The following CADM2 variants were observed in gnomAD, a reference collection of about 807,000 sequenced individuals.
The protein encoded by CADM2 is cell adhesion molecule 2, also known as immunoglobulin superfamily member 4D.
In CADM2, 12 loss-of-function variants were observed where a neutral mutation model predicts 49.8. The observed-to-expected ratio is 0.24, with a 90% CI of 0.15 to 0.39. The LOEUF is 0.39. Among genes scored for constraint, CADM2 ranks in the 10% least tolerant of loss-of-function variants. The pLI is 1.00. For missense variants in CADM2, 378 were observed against 492.3 expected, an observed-to-expected ratio of 0.77 and a Z score of 2.20; for synonymous variants, 214 against 175.4, an observed-to-expected ratio of 1.22 and a Z score of -1.74.
intron 2 of CADM2, among the ~76,000 whole-genome samples, chr3:85,765,469 A>C (rs929127585): frequency 5.3e-5 from 8 of 152,028 alleles, no homozygotes; most frequent in Admixed American, 2.0e-4. Context: ...TCCCAAGGTC[A>C]ATCCTCAACT....
intron 5 of CADM2, among the ~76,000 whole-genome samples, chr3:85,908,254 C>CTTTTTTTTTTTTTT (rs898710165): frequency 6.1e-5 from 4 of 65,762 alleles, no homozygotes; most frequent in Non-Finnish European, 9.4e-5. Context: ...TTTTTTTCTT[C>CTTTTTTTTTTTTTT]TTTTTTTTTT....
chr3:85,282,429 ATTTTTTTT>A (rs1200462213), intron 1 of CADM2, among the ~76,000 whole-genome samples: 1 of 124,064 alleles, frequency 8.1e-6, no homozygotes, highest in African/African-American at 3.0e-5. Context: ...TCTTGGCCAA[ATTTTTTTT>A]TTTTTTTTTT....
chr3:86,028,357 T>A (rs1734163832), intron 8 of CADM2, among the ~76,000 whole-genome samples: 1 of 152,002 alleles, frequency 6.6e-6, no homozygotes, highest in Non-Finnish European at 1.5e-5. Flanking sequence ...CAAAAATGGG[T>A]TAAGGGGCTA....
At chr3:85,917,673 ACTTTAAAGTAG>A (rs1718541400) in intron 6 of CADM2, among the ~76,000 whole-genome samples, 1 of 152,158 alleles carries the variant, frequency 6.6e-6, no homozygotes, top group African/African-American at 2.4e-5. Flanking sequence ...TTCCATATGA[ACTTTAAAGTAG>A]CTTTTTCCAA....
chr3:85,344,481 A>G (rs2030359396), intron 1 of CADM2, among the ~76,000 whole-genome samples: 2 of 151,972 alleles, frequency 1.3e-5, no homozygotes, highest in South Asian at 2.1e-4. Context: ...TTTAAGATGT[A>G]AAGACCAGGG....
At position 85,626,210 on chromosome 3, in the gene CADM2, G is replaced by A. The variant is rs573063373; in HGVS notation, c.62-100312G>A. ...TGCTTTCTAGTTAAATTGAAAGGTC[G>A]TAAGAAAGGGAAATGATTAAATGAT... On this transcript the variant is annotated intron_variant, in intron 1 of 9. Coordinates refer to ENST00000383699, the MANE Select transcript of CADM2 (RefSeq NM_001167675.2). 9.9e-5 allele frequency among the ~76,000 whole-genome samples: 15 copies of A among 151,988 alleles called. No homozygotes were observed. In the East Asian group the frequency reaches 1.4e-3, roughly 14 times the overall value.
At chr3:85,918,231 C>G (rs904766743) in intron 6 of CADM2, among the ~76,000 whole-genome samples, 2 of 152,070 alleles carry the variant, frequency 1.3e-5, no homozygotes, top group Non-Finnish European at 2.9e-5. Flanking sequence ...TGTCTTGTGC[C>G]AGTTTTCAAA....
intron 1 of CADM2, among the ~76,000 whole-genome samples, chr3:85,360,538 C>T (rs1030956539): frequency 3.3e-5 from 5 of 152,094 alleles, no homozygotes; most frequent in Non-Finnish European, 5.9e-5. Context: ...GTTAATATAA[C>T]AAAAATGAGT....
chr3:85,445,517 G>A (rs1266326817), intron 1 of CADM2, among the ~76,000 whole-genome samples: 2 of 152,026 alleles, frequency 1.3e-5, no homozygotes, highest in African/African-American at 4.8e-5. Flanking sequence ...GCTTGAATTT[G>A]ATTTGATTAA....
intron 3 of CADM2, among the ~76,000 whole-genome samples, chr3:85,867,948 A>G (rs1038710155): frequency 7.9e-5 from 12 of 152,068 alleles, no homozygotes; most frequent in African/African-American, 2.7e-4. Context: ...TTGCTAAAAC[A>G]CAGTCTAAAC....
intron 6 of CADM2, among the ~76,000 whole-genome samples, chr3:85,928,933 A>G (rs1477964357): frequency 6.6e-6 from 1 of 152,176 alleles, no homozygotes; most frequent in African/African-American, 2.4e-5. Context: ...ACATTCATGT[A>G]TATTTAATAA....
chr3:85,356,263 C>T (rs1307512785), intron 1 of CADM2, among the ~76,000 whole-genome samples: 1 of 151,880 alleles, frequency 6.6e-6, no homozygotes, highest in African/African-American at 2.4e-5. Flanking sequence ...TAGTTGCATT[C>T]TACCATCAAT....
chr3:84,992,995 T>G (rs2107184353), intron 1 of CADM2, among the ~76,000 whole-genome samples: 1 of 152,134 alleles, frequency 6.6e-6, no homozygotes, highest in East Asian at 1.9e-4. Context: ...GATGTATGGT[T>G]TAATAATCTC....
chr3:85,575,185 T>C (rs971463698), intron 1 of CADM2, among the ~76,000 whole-genome samples: 4 of 152,172 alleles, frequency 2.6e-5, no homozygotes, highest in African/African-American at 9.7e-5. Context: ...TATCCGTAAG[T>C]TCCTTTTTTG....
At chr3:85,308,481 C>T (rs1273342852) in intron 1 of CADM2, among the ~76,000 whole-genome samples, 2 of 151,870 alleles carry the variant, frequency 1.3e-5, no homozygotes, top group Admixed American at 1.3e-4. Context: ...GCACAACTAT[C>T]CTGCTATTGA....
In CADM2 at chr3:85,359,667, T is replaced by TATATATATATATATATATA. The variant is rs1491224693; in HGVS notation, c.62-366855_62-366854insATATATATATATATATATA. ...ATATATATATATATATATATATATA[T>TATATATATATATATATATA]TTTTTTTTTTGGTGGAGGGGAGAAG... is the stretch of plus-strand genomic sequence containing the variant. On this transcript the variant is annotated intron_variant, in intron 1 of 9. Coordinates refer to ENST00000383699, the MANE Select transcript of CADM2 (RefSeq NM_001167675.2). Among the ~76,000 whole-genome samples, 33 of 16,468 alleles carry TATATATATATATATATATA rather than the reference T, an allele frequency of 2.0e-3. 1 individual carries two copies. Among genetic ancestry groups the TATATATATATATATATATA allele is most frequent in the East Asian group, 7.6e-3 (4 of 526 alleles). The allele number at this position is 16,468 out of a possible 152,430, so 10.8% of individuals were successfully genotyped here. A position where few individuals can be genotyped will look rare whatever the true frequency, so the allele number is the denominator to read the frequency against.
intron 6 of CADM2, among the ~76,000 whole-genome samples, chr3:85,917,881 C>T (rs979140022): frequency 6.6e-6 from 1 of 152,156 alleles, no homozygotes; most frequent in Non-Finnish European, 1.5e-5. Context: ...AGAGGTCCTT[C>T]ACATCCCTTG....
chr3:85,738,827 A>G (rs1577199893), intron 2 of CADM2, among the ~76,000 whole-genome samples: 1 of 152,156 alleles, frequency 6.6e-6, no homozygotes, highest in Non-Finnish European at 1.5e-5. Flanking sequence ...AAATGTAGCA[A>G]CTAGAAATGT....
intron 2 of CADM2, among the ~76,000 whole-genome samples, chr3:85,798,247 C>T (rs565606740): frequency 9.2e-5 from 14 of 152,138 alleles, no homozygotes; most frequent in South Asian, 8.3e-4. Context: ...TAGTTTCTTT[C>T]GCTGTGTAGA....
Sources: allele counts gnomAD v4.1 joint callset (sites outside exome capture counted in the v4.1 genomes callset), GRCh38; gene constraint gnomAD v4.1.1; transcripts MANE v1.5; gene names NCBI Gene and HGNC (gene_info 2026-07-23, HGNC 2026-07-21).